NCOA5: variants seen among roughly 807,000 people sequenced by gnomAD.
NCOA5 encodes the protein nuclear receptor coactivator 5.
In NCOA5, 12 loss-of-function variants were observed where a neutral mutation model predicts 59.0. That is an observed-to-expected ratio of 0.20 (90% CI 0.13 to 0.33). NCOA5 has a LOEUF of 0.33. NCOA5 is among the 10% of genes least tolerant of loss of function. The pLI is 1.00. For missense variants in NCOA5, 655 were observed against 766.6 expected (o/e 0.85, Z 1.72); for synonymous variants, 270 against 275.5 (o/e 0.98, Z 0.20).
intron 5 of NCOA5, among the ~76,000 whole-genome samples, chr20:46,065,441 C>T (rs2084813231): frequency 6.6e-6 from 1 of 152,172 alleles, no homozygotes; most frequent in Admixed American, 6.5e-5. Context: ...GCCAGTAGCA[C>T]AGTATGATAC....
chr20:46,084,604 G>C (rs1374074914), intron 1 of NCOA5, among the ~76,000 whole-genome samples: 28 of 152,176 alleles, frequency 1.8e-4, no homozygotes, highest in Non-Finnish European at 7.3e-5. Context: ...TTTAAGGAAA[G>C]GGCATTTGGC....
At chr20:46,089,154 G>T (rs992267106) in intron 1 of NCOA5, among the ~76,000 whole-genome samples, 1 of 152,130 alleles carries the variant, frequency 6.6e-6, no homozygotes, top group Non-Finnish European at 1.5e-5. Flanking sequence ...AGTGCCCCGC[G>T]CCGGGAGCTT....
intron 1 of NCOA5, 106 bp from the exon 2 acceptor site, chr20:46,079,559 G>C: frequency 1.1e-6 from 1 of 925,034 alleles, no homozygotes; most frequent in South Asian, 1.5e-5. Flanking sequence ...ATGACAACCA[G>C]ATGGTGTAAG....
In NCOA5 at chr20:46,078,522, G is replaced by T. The variant is rs572859528; in HGVS notation, c.38+865C>A. On this transcript the variant is annotated intron_variant, in intron 2 of 7. Coordinates refer to ENST00000290231, the MANE Select transcript of NCOA5 (RefSeq NM_020967.3). ...GGGAAAACTGGCTTTTTTACTTAGA[G>T]GCAAGGCAAAATCAATTAATCCATT... 2.0e-5 allele frequency among the ~76,000 whole-genome samples: 3 copies of T among 152,298 alleles called. No homozygotes were observed. In the South Asian group the frequency reaches 6.2e-4, roughly 32 times the overall value.
chr20:46,062,060 G>C lies in NCOA5; in HGVS notation c.*240C>G, dbSNP rs537115065. The C allele has an allele frequency of 1.2e-5, 5 of 410,736 alleles. No individual in the cohort carries two copies. In the East Asian group the frequency reaches 1.9e-4, roughly 16 times the overall value. 25.4% of individuals were successfully genotyped at this position (410,736 alleles called of 1,614,324 possible). The stretch of plus-strand genomic sequence containing the variant: ...AGCCCAGACACCTGTACTGCCCCCG[G>C]AGATATTTATTTTCTACAAAACAAA... On this transcript the variant is annotated 3_prime_UTR_variant, in exon 8 of 8. Coordinates refer to ENST00000290231, the MANE Select transcript of NCOA5 (RefSeq NM_020967.3).
intron 3 of NCOA5, among the ~76,000 whole-genome samples, chr20:46,069,422 TACC>T (rs1371753941): frequency 1.3e-5 from 2 of 152,216 alleles, no homozygotes; most frequent in African/African-American, 2.4e-5. Flanking sequence ...GGCTGAATGA[TACC>T]ACATTATATG....
chr20:46,076,100 CA>C (rs1958193265), intron 2 of NCOA5, among the ~76,000 whole-genome samples: 1 of 152,156 alleles, frequency 6.6e-6, no homozygotes, highest in African/African-American at 2.4e-5. Context: ...AAGGTCTTGC[CA>C]GTATGCTTAT....
chr20:46,083,374 T>C (rs2085012743), intron 1 of NCOA5, among the ~76,000 whole-genome samples: 1 of 152,230 alleles, frequency 6.6e-6, no homozygotes, highest in African/African-American at 2.4e-5. Flanking sequence ...ACCAATCCGC[T>C]TTTTGCTCCT....
intron 6 of NCOA5, 62 bp from the exon 7 acceptor site, chr20:46,063,742 C>T: frequency 1.3e-6 from 2 of 1,497,668 alleles, no homozygotes; most frequent in Admixed American, 1.8e-5. Context: ...CCACCTGCTG[C>T]ACTCTGTCAA....
rs2085047028 is a variant in NCOA5 at position 46,086,519 on chromosome 20, C to T, written c.-30+3298G>A. Among the ~76,000 whole-genome samples the T allele has an allele frequency of 2.0e-5, 3 of 152,178 alleles. 1 individual carries two copies. The South Asian group carries it at 6.2e-4, about 32-fold the overall frequency. ...TTCTCTAATGTACTGCTGCTTGAGA[C>T]AGTGGCTTTACCCTGATCCTGTCAT... On this transcript the variant is annotated intron_variant, in intron 1 of 7. Transcript: ENST00000290231.
Position 46,089,932 on chromosome 20 carries a change from G to A in NCOA5, c.-145C>T, listed in dbSNP as rs1375285237. The A allele has an allele frequency of 3.3e-5, 5 of 152,244 alleles. No homozygotes were observed. The highest frequency in any genetic ancestry group is 2.0e-4 in the Admixed American group (3 of 15,288). The allele number at this position is 152,244 out of a possible 1,614,324, so 9.4% of individuals were successfully genotyped here. A position where few individuals can be genotyped will look rare whatever the true frequency, so the allele number is the denominator to read the frequency against. The stretch of plus-strand genomic sequence containing the variant: ...AAGGCGCCACCAACCGACCGGCGCG[G>A]GCACGAGGCAATGGCGGCCGGGCGG... On this transcript the variant is annotated 5_prime_UTR_variant, in exon 1 of 8. Transcript: ENST00000290231.
chr20:46,079,820 A>C (rs752816211), intron 1 of NCOA5, among the ~76,000 whole-genome samples: 6 of 152,202 alleles, frequency 3.9e-5, no homozygotes, highest in Admixed American at 6.5e-5. Flanking sequence ...GTGAGGAAGA[A>C]AGTGGGGGGG....
chr20:46,081,835 T>G (rs1219075984), intron 1 of NCOA5, among the ~76,000 whole-genome samples: 3 of 151,758 alleles, frequency 2.0e-5, no homozygotes, highest in African/African-American at 7.3e-5. Flanking sequence ...GAGTTTTCAG[T>G]GAGAGTTGTA....
intron 1 of NCOA5, among the ~76,000 whole-genome samples, chr20:46,080,965 G>A (rs1272338289): frequency 6.6e-6 from 1 of 152,036 alleles, no homozygotes; most frequent in African/African-American, 2.4e-5. Context: ...GGAATATCTA[G>A]TTCTATTATA....
intron 2 of NCOA5, among the ~76,000 whole-genome samples, chr20:46,077,028 G>A (rs999041902): frequency 2.6e-5 from 4 of 152,120 alleles, no homozygotes; most frequent in Admixed American, 1.3e-4. Flanking sequence ...TGATTCTCCC[G>A]CTTCAATGCC....
At chr20:46,087,615 C>A (rs1022444437) in intron 1 of NCOA5, among the ~76,000 whole-genome samples, 1 of 152,074 alleles carries the variant, frequency 6.6e-6, no homozygotes, top group Non-Finnish European at 1.5e-5. Flanking sequence ...CAAAATTAGC[C>A]GGGCGTGGTG....
intron 2 of NCOA5, among the ~76,000 whole-genome samples, chr20:46,073,790 T>C (rs1047148299): frequency 2.6e-5 from 4 of 152,218 alleles, no homozygotes; most frequent in African/African-American, 7.2e-5. Context: ...CCTCATTCTT[T>C]TGAATCCACT....
At chr20:46,070,065 T>C in intron 3 of NCOA5, 145 bp downstream of exon 3, 1 of 652,012 alleles carries the variant, frequency 1.5e-6, no homozygotes. Context: ...GCAAAATTTA[T>C]TGAGCAGCAG....
chr20:46,079,383 T>C lies in NCOA5; in HGVS notation c.38+4A>G. The C allele has an allele frequency of 1.2e-6, 2 of 1,614,024 alleles. No individual in the cohort carries two copies. Among genetic ancestry groups the C allele is most frequent in the Non-Finnish European group, 1.7e-6 (2 of 1,179,956 alleles). ...AGGTAACTCACGGCTTCAGGGTACTTTACCTTCGTGTGGGGCTGGGTCTTG... is the reference window on the plus strand; with the variant it reads ...AGGTAACTCACGGCTTCAGGGTACTCTACCTTCGTGTGGGGCTGGGTCTTG... On this transcript the variant is annotated splice_donor_region_variant and intron_variant, in intron 2 of 7. Transcript: ENST00000290231.
Sources: gnomAD v4.1 joint callset for allele counts (sites outside exome capture counted in the v4.1 genomes callset) on GRCh38, gnomAD v4.1.1 for gene constraint, MANE v1.5 for transcripts, NCBI Gene and HGNC (gene_info 2026-07-23, HGNC 2026-07-21) for gene names.